SPOCK3: variants seen among roughly 807,000 people sequenced by gnomAD.
SPOCK3 encodes SPARC (osteonectin), cwcv and kazal like domains proteoglycan 3.
Under a neutral mutation model 56.6 loss-of-function variants are expected in SPOCK3, and 30 were observed. The ratio of observed to expected loss-of-function variants is 0.53; its 90% CI spans 0.40 to 0.72. The LOEUF is 0.72. SPOCK3 is among the 30% of genes least tolerant of loss of function. The pLI, the probability that SPOCK3 is intolerant of heterozygous loss-of-function variation, is 0.00. For missense variants in SPOCK3, 527 were observed against 530.0 expected (o/e 0.99, Z 0.06); for synonymous variants, 196 against 183.3 (o/e 1.07, Z -0.56).
chr4:167,136,477 TGTC>T, intron 2 of SPOCK3, among the ~76,000 whole-genome samples: 1 of 152,236 alleles, frequency 6.6e-6, no homozygotes. Flanking sequence ...TGAAACCTAT[TGTC>T]ATATCAAAGA....
chr4:166,752,818 T>A (rs574577469), intron 8 of SPOCK3, among the ~76,000 whole-genome samples: 5 of 151,966 alleles, frequency 3.3e-5, no homozygotes, highest in Non-Finnish European at 7.4e-5. Flanking sequence ...TTCTAGCAAT[T>A]AAAGTAATGA....
chr4:166,929,595 A>G (rs554129700), intron 4 of SPOCK3, among the ~76,000 whole-genome samples: 1 of 152,110 alleles, frequency 6.6e-6, no homozygotes, highest in East Asian at 1.9e-4. Context: ...TTCATCAGAA[A>G]TCTCCCATTT....
In SPOCK3 at chr4:166,781,518, G is replaced by T. The variant is rs767948073; in HGVS notation, c.709+10652C>A. On this transcript the variant is annotated intron_variant, in intron 7 of 10. Coordinates refer to ENST00000357545, the MANE Select transcript of SPOCK3 (RefSeq NM_001040159.2). ...GGAAAACAGAACTTAATAGAGCTGT[G>T]GTTATTATCAAACAATCTAAGAGAG... 3.3e-5 allele frequency among the ~76,000 whole-genome samples: 5 copies of T among 151,976 alleles called. 1 individual carries two copies. The South Asian group carries it at 1.0e-3, about 32-fold the overall frequency.
At chr4:166,896,120 A>C (rs181390533) in intron 5 of SPOCK3, among the ~76,000 whole-genome samples, 55 of 152,300 alleles carry the variant, frequency 3.6e-4, no homozygotes, top group Admixed American at 3.4e-3. Context: ...AAGTGAGTAT[A>C]AAAAGGAAGA....
chr4:166,978,182 A>T (rs1746165526), intron 4 of SPOCK3, among the ~76,000 whole-genome samples: 1 of 152,194 alleles, frequency 6.6e-6, no homozygotes, highest in Admixed American at 6.5e-5. Flanking sequence ...TTGAGCTCTT[A>T]TACTCCATAA....
intron 2 of SPOCK3, among the ~76,000 whole-genome samples, chr4:167,190,165 ACT>A (rs1197044494): frequency 6.9e-6 from 1 of 145,528 alleles, no homozygotes; most frequent in Non-Finnish European, 1.5e-5. Flanking sequence ...TTGTATTGTA[ACT>A]CTGTTTTTAA....
chr4:166,953,240 A>C (rs1324502216), intron 4 of SPOCK3, among the ~76,000 whole-genome samples: 1 of 152,022 alleles, frequency 6.6e-6, no homozygotes, highest in Non-Finnish European at 1.5e-5. Flanking sequence ...ATTTACAAGA[A>C]AAAAACAAAC....
intron 6 of SPOCK3, among the ~76,000 whole-genome samples, chr4:166,796,688 T>C (rs1445602172): frequency 6.6e-6 from 1 of 152,156 alleles, no homozygotes; most frequent in East Asian, 1.9e-4. Flanking sequence ...GGTAAAGAGA[T>C]TTTTCTAAGT....
intron 2 of SPOCK3, among the ~76,000 whole-genome samples, chr4:167,205,287 T>A (rs1733986159): frequency 1.7e-4 from 8 of 45,716 alleles, no homozygotes; most frequent in Admixed American, 3.6e-4. Flanking sequence ...ATTATATATA[T>A]TTTATATCTA....
intron 6 of SPOCK3, among the ~76,000 whole-genome samples, chr4:166,827,854 G>T (rs952343016): frequency 1.1e-4 from 16 of 147,372 alleles, no homozygotes; most frequent in Admixed American, 4.1e-4. Context: ...AAAAAAAACT[G>T]TATGACTGAA....
intron 4 of SPOCK3, among the ~76,000 whole-genome samples, chr4:166,979,745 T>C (rs893750324): frequency 6.6e-6 from 1 of 152,192 alleles, no homozygotes; most frequent in Admixed American, 6.5e-5. Context: ...TATTTTTGTC[T>C]TCAATCTCTC....
chr4:167,105,484 A>G (rs1760037092), intron 2 of SPOCK3, among the ~76,000 whole-genome samples: 1 of 148,750 alleles, frequency 6.7e-6, no homozygotes, highest in African/African-American at 2.5e-5. Context: ...AAAAAAACGA[A>G]TCATACCACC....
intron 2 of SPOCK3, among the ~76,000 whole-genome samples, chr4:167,203,949 C>A (rs1322677158): frequency 6.6e-6 from 1 of 152,068 alleles, no homozygotes; most frequent in Non-Finnish European, 1.5e-5. Flanking sequence ...ATTTCTGTAG[C>A]AGAAACTGCT....
chr4:166,884,690 A>G (rs1447871918), intron 6 of SPOCK3, among the ~76,000 whole-genome samples: 1 of 152,130 alleles, frequency 6.6e-6, no homozygotes, highest in African/African-American at 2.4e-5. Flanking sequence ...ATAAATCCTA[A>G]TGATTTATAT....
intron 2 of SPOCK3, among the ~76,000 whole-genome samples, chr4:167,137,589 C>T (rs763546185): frequency 6.6e-5 from 10 of 152,050 alleles, no homozygotes; most frequent in Non-Finnish European, 1.3e-4. Flanking sequence ...AACTTTACAA[C>T]ACTTTAGCCT....
intron 8 of SPOCK3, among the ~76,000 whole-genome samples, chr4:166,752,763 G>A (rs143030079): frequency 3.9e-4 from 60 of 151,906 alleles, no homozygotes; most frequent in South Asian, 1.0e-3. Context: ...AAGTTGTATC[G>A]TATCACTAGC....
At chr4:167,008,542 TTA>T (rs1159145752) in intron 3 of SPOCK3, among the ~76,000 whole-genome samples, 2 of 152,150 alleles carry the variant, frequency 1.3e-5, no homozygotes, top group African/African-American at 4.8e-5. Context: ...AATTCTCATT[TTA>T]GATAGTCACA....
intron 2 of SPOCK3, among the ~76,000 whole-genome samples, chr4:167,152,305 C>G (rs1036654710): frequency 1.3e-5 from 2 of 152,046 alleles, no homozygotes; most frequent in African/African-American, 4.8e-5. Flanking sequence ...TCAGTGTACA[C>G]AGATCAGATA....
chr4:167,030,160 C>T (rs1483994414), intron 3 of SPOCK3, among the ~76,000 whole-genome samples: 1 of 150,606 alleles, frequency 6.6e-6, no homozygotes, highest in Non-Finnish European at 1.5e-5. Flanking sequence ...CTCAACTATC[C>T]ATCCATCTAG....
Sources: allele counts gnomAD v4.1 joint callset (sites outside exome capture counted in the v4.1 genomes callset), GRCh38; gene constraint gnomAD v4.1.1; transcripts MANE v1.5; gene names NCBI Gene and HGNC (gene_info 2026-07-23, HGNC 2026-07-21).